The following JPH3 variants were observed in gnomAD, a reference collection of about 807,000 sequenced individuals.
JPH3 encodes junctophilin 3.
JPH3 carries 11 observed loss-of-function variants against 59.6 expected under a neutral mutation model. The observed-to-expected ratio is 0.18, with a 90% CI of 0.12 to 0.31. The LOEUF (loss-of-function observed/expected upper bound fraction) is 0.31. JPH3 is among the 10% of genes least tolerant of loss of function. The pLI, the probability that JPH3 is intolerant of heterozygous loss-of-function variation, is 1.00. For synonymous variants in JPH3, 673 were observed against 483.6 expected, an observed-to-expected ratio of 1.39 and a Z score of -5.14; for missense variants, 1,202 against 1,105.7, an observed-to-expected ratio of 1.09 and a Z score of -1.24.
At chr16:87,654,940 CG>C (rs2150853717) in intron 2 of JPH3, 1 of 152,376 alleles carries the variant, frequency 6.6e-6, no homozygotes, top group Non-Finnish European at 1.5e-5. Context: ...AAATCCCTGC[CG>C]GAGTGCGGCT....
At chr16:87,614,707 A>ACG (rs1311310902) in intron 1 of JPH3, among the ~76,000 whole-genome samples, 2 of 143,404 alleles carry the variant, frequency 1.4e-5, no homozygotes, top group African/African-American at 2.6e-5. Flanking sequence ...CCCGGGATAA[A>ACG]CTCTGGTCCC....
intron 1 of JPH3, among the ~76,000 whole-genome samples, chr16:87,634,935 C>T (rs1323567476): frequency 6.6e-6 from 1 of 152,244 alleles, no homozygotes; most frequent in African/African-American, 2.4e-5. Flanking sequence ...CAGTTTCCTT[C>T]TTTAAGTGGA....
At chr16:87,647,209 C>T (rs542623149) in intron 2 of JPH3, among the ~76,000 whole-genome samples, 1 of 151,626 alleles carries the variant, frequency 6.6e-6, no homozygotes, top group South Asian at 2.1e-4. Context: ...GGTGAAAGCC[C>T]AGGGGCTGGG....
intron 3 of JPH3, among the ~76,000 whole-genome samples, chr16:87,689,241 C>T (rs993874520): frequency 2.0e-5 from 3 of 152,146 alleles, no homozygotes; most frequent in African/African-American, 4.8e-5. Flanking sequence ...GCTGTGACAG[C>T]TCGGCCTCCC....
At chr16:87,656,563 T>C (rs1283078315) in intron 2 of JPH3, among the ~76,000 whole-genome samples, 1 of 152,118 alleles carries the variant, frequency 6.6e-6, no homozygotes, top group Non-Finnish European at 1.5e-5. Flanking sequence ...TCTTGCAGTG[T>C]TTGGGGGCAA....
chr16:87,663,140 G>T (rs546686354), intron 2 of JPH3, among the ~76,000 whole-genome samples: 28 of 141,930 alleles, frequency 2.0e-4, no homozygotes, highest in African/African-American at 6.9e-4. Flanking sequence ...ATGGAGTCGC[G>T]CCCTGTCACC....
chr16:87,633,067 C>T (rs1200317755), intron 1 of JPH3, among the ~76,000 whole-genome samples: 1 of 152,108 alleles, frequency 6.6e-6, no homozygotes, highest in African/African-American at 2.4e-5. Context: ...TAGTTAATCA[C>T]CTCGCTAGAG....
At chr16:87,672,630 C>G (rs1161020683) in intron 2 of JPH3, among the ~76,000 whole-genome samples, 3 of 152,228 alleles carry the variant, frequency 2.0e-5, no homozygotes, top group African/African-American at 7.2e-5. Flanking sequence ...AGTGAAGGCT[C>G]TGATTGGTGC....
chr16:87,604,539 G>A, intron 1 of JPH3: 1 of 1,261,994 alleles, frequency 7.9e-7, no homozygotes. Flanking sequence ...TCCCTCGGGC[G>A]GCTCGCCTGT....
chr16:87,604,289 T>TGCTGCC (rs978558915), intron 1 of JPH3: 18 of 969,514 alleles, frequency 1.9e-5, no homozygotes, highest in Admixed American at 2.9e-5. Flanking sequence ...GGGAGCTGCC[T>TGCTGCC]GCTGCTGCTG....
At chr16:87,667,098 C>T (rs1024221592) in intron 2 of JPH3, among the ~76,000 whole-genome samples, 7 of 152,244 alleles carry the variant, frequency 4.6e-5, no homozygotes, top group Admixed American at 1.3e-4. Flanking sequence ...TCCCTTCCGG[C>T]TTCTGGGGGC....
intron 2 of JPH3, among the ~76,000 whole-genome samples, chr16:87,662,484 G>A (rs1291366211): frequency 6.6e-6 from 1 of 151,994 alleles, no homozygotes; most frequent in African/African-American, 2.4e-5. Flanking sequence ...GTTGTTTATA[G>A]TGGAATTGGG....
At chr16:87,653,205 G>A (rs896244341) in intron 2 of JPH3, among the ~76,000 whole-genome samples, 4 of 152,202 alleles carry the variant, frequency 2.6e-5, no homozygotes, top group Admixed American at 2.6e-4. Flanking sequence ...GTGGCTCTGG[G>A]GGTGTGTAAA....
At chr16:87,663,375 T>C (rs2032765274) in intron 2 of JPH3, among the ~76,000 whole-genome samples, 2 of 152,216 alleles carry the variant, frequency 1.3e-5, no homozygotes, top group African/African-American at 2.4e-5. Flanking sequence ...CCCAAACTAC[T>C]GGGATTATAG....
chr16:87,696,815 G>A lies in JPH3; in HGVS notation c.*155G>A. 3.1e-6 allele frequency: 2 copies of A among 654,448 alleles called. No individual in the cohort carries two copies. The highest frequency in any genetic ancestry group is 2.7e-5 in the East Asian group (1 of 36,532). The allele number at this position is 654,448 out of a possible 1,614,324, so 40.5% of individuals were successfully genotyped here. A position where few individuals can be genotyped will look rare whatever the true frequency, so the allele number is the denominator to read the frequency against. On this transcript the variant is annotated 3_prime_UTR_variant, in exon 5 of 5. Transcript: ENST00000284262. ...ACCACACGATTGGGTATCACTCACA[G>A]TTTGCCTTTTTTTCTGGGTAATGTT...
upstream of JPH3, among the ~76,000 whole-genome samples, chr16:87,602,498 C>T (rs1254999158): frequency 3.7e-5 from 5 of 136,668 alleles, no homozygotes; most frequent in Non-Finnish European, 8.0e-5. Context: ...GGGCGCGCGC[C>T]GCGCGGCCCG....
chr16:87,609,645 T>C (rs1225644927), intron 1 of JPH3, among the ~76,000 whole-genome samples: 1 of 152,194 alleles, frequency 6.6e-6, no homozygotes, highest in Non-Finnish European at 1.5e-5. Flanking sequence ...TGTGTTCACT[T>C]CTCTTGGAGC....
intron 2 of JPH3, among the ~76,000 whole-genome samples, chr16:87,658,563 CCT>C (rs1555539338): frequency 1.3e-5 from 2 of 152,204 alleles, no homozygotes; most frequent in Non-Finnish European, 1.5e-5. Context: ...CCCCAACCCC[CCT>C]GTTTCTCTAT....
chr16:87,675,835 T>C lies in JPH3; in HGVS notation c.1161-8307T>C, dbSNP rs188355758. Among the ~76,000 whole-genome samples, 408 of 152,318 alleles carry C rather than the reference T, an allele frequency of 2.7e-3. 2 individuals carry two copies. The highest frequency in any genetic ancestry group is 9.4e-3 in the African/African-American group (391 of 41,576). ...GGGAGAGGACCACTATTCCTCACCT[T>C]TCATACACCCACTCCCATCCTATTT... On this transcript the variant is annotated intron_variant, in intron 2 of 4. Coordinates refer to ENST00000284262, the MANE Select transcript of JPH3 (RefSeq NM_020655.4).
Sources: allele counts gnomAD v4.1 joint callset (sites outside exome capture counted in the v4.1 genomes callset), GRCh38; gene constraint gnomAD v4.1.1; transcripts MANE v1.5; gene names NCBI Gene and HGNC (gene_info 2026-07-23, HGNC 2026-07-21).